Variants in MYH9 observed in about 807,000 individuals in gnomAD.
MYH9 encodes myosin heavy chain 9.
Under a neutral mutation model 241.9 loss-of-function variants are expected in MYH9, and 29 were observed. The ratio of observed to expected loss-of-function variants is 0.12; its 90% CI spans 0.09 to 0.16. The LOEUF is 0.16. MYH9 is among the 10% of genes least tolerant of loss of function. MYH9 has a pLI of 1.00. For missense variants in MYH9, 1,803 were observed against 2,595.5 expected (o/e 0.69, Z 6.63); for synonymous variants, 1,047 against 1,062.6 (o/e 0.99, Z 0.29).
intron 1 of MYH9, among the ~76,000 whole-genome samples, chr22:36,372,870 G>T (rs775181671): frequency 6.6e-6 from 1 of 152,176 alleles, no homozygotes; most frequent in Non-Finnish European, 1.5e-5. Context: ...GGACTTGAGT[G>T]GGGAGCCGGG....
At position 36,330,839 on chromosome 22, in the gene MYH9, C is replaced by A. The variant is rs1159069157; in HGVS notation, c.491-3351G>T. 1.3e-5 allele frequency among the ~76,000 whole-genome samples: 2 copies of A among 152,104 alleles called. No individual in the cohort carries two copies. The highest frequency in any genetic ancestry group is 2.9e-5 in the Non-Finnish European group (2 of 68,032). ...GGAGGAGGCCGCCAGGGACAAGCCTCTTCTGGGACACGAGCCCCCTGCCAG... is the reference window on the plus strand; with the variant it reads ...GGAGGAGGCCGCCAGGGACAAGCCTATTCTGGGACACGAGCCCCCTGCCAG... On this transcript the variant is annotated intron_variant, in intron 3 of 40. Coordinates refer to ENST00000216181, the MANE Select transcript of MYH9 (RefSeq NM_002473.6). The surrounding 1 kb of genome is among the most constrained non-coding windows in gnomAD (Gnocchi z 4.5).
Position 36,383,665 on chromosome 22 carries a change from A to AGGG in MYH9, c.-20+4139_-20+4141dup, listed in dbSNP as rs35424710. Among the ~76,000 whole-genome samples, 1,142 of 142,348 alleles carry AGGG rather than the reference A, an allele frequency of 8.0e-3. 41 individuals are homozygous for AGGG. Among genetic ancestry groups the AGGG allele is most frequent in the Admixed American group, 0.061 (858 of 14,130 alleles). The allele number at this position is 142,348 out of a possible 152,430, so 93.4% of individuals were successfully genotyped here. A position where few individuals can be genotyped will look rare whatever the true frequency, so the allele number is the denominator to read the frequency against. Reference sequence around the variant, plus strand: ...GACTGATCATTTATATTAAAAAAAAAGGGGGGGGGGTGCCAGGTGCGGTGG... The same window carrying AGGG: ...GACTGATCATTTATATTAAAAAAAAAGGGGGGGGGGGGGTGCCAGGTGCGGTGG... On this transcript the variant is annotated intron_variant, in intron 1 of 40. Transcript: ENST00000216181.
At chr22:36,345,871 G>A (rs1169049630) in intron 2 of MYH9, among the ~76,000 whole-genome samples, 3 of 152,338 alleles carry the variant, frequency 2.0e-5, no homozygotes, top group East Asian at 1.9e-4. Context: ...GGCTGGGGCC[G>A]GGCGTGGTGG....
chr22:36,325,592 G>C (rs2017322948), intron 5 of MYH9, among the ~76,000 whole-genome samples: 1 of 152,374 alleles, frequency 6.6e-6, no homozygotes, highest in South Asian at 2.1e-4. Context: ...CACTGCTTCT[G>C]ACTGGCACGG....
chr22:36,310,624 G>C (rs2017045937), intron 14 of MYH9, among the ~76,000 whole-genome samples: 1 of 152,362 alleles, frequency 6.6e-6, no homozygotes, highest in South Asian at 2.1e-4. Flanking sequence ...TGTTTATCAT[G>C]AGGTAGGTGA....
intron 3 of MYH9, among the ~76,000 whole-genome samples, chr22:36,331,521 G>A (rs568706452): frequency 1.3e-5 from 2 of 152,326 alleles, no homozygotes; most frequent in South Asian, 4.1e-4. Context: ...AGGGGAACCT[G>A]ACCGCAGGTA....
intron 20 of MYH9, among the ~76,000 whole-genome samples, chr22:36,302,048 GT>G (rs1195990154): frequency 6.6e-6 from 1 of 152,134 alleles, no homozygotes; most frequent in Non-Finnish European, 1.5e-5. Context: ...AACTACAACT[GT>G]TTATATGAGT....
intron 1 of MYH9, among the ~76,000 whole-genome samples, chr22:36,362,658 T>C (rs2017952567): frequency 6.6e-6 from 1 of 152,154 alleles, no homozygotes. Context: ...TGTATTTTAG[T>C]AGAGATGGGG....
intron 2 of MYH9, among the ~76,000 whole-genome samples, chr22:36,345,569 GC>G (rs2017664379): frequency 6.6e-6 from 1 of 152,166 alleles, no homozygotes; most frequent in Admixed American, 6.5e-5. Flanking sequence ...TGAGGCTGCA[GC>G]TCCCATGTCA....
chr22:36,320,999 T>A lies in MYH9; in HGVS notation c.770-103A>T. ...ACAGAGTCTCGCTCTGTCACCCAGG[T>A]TGGAGTGCAGTGGCATGATCTCGGC... is the stretch of plus-strand genomic sequence containing the variant. On this transcript the variant is annotated intron_variant, in intron 7 of 40. Transcript: ENST00000216181. This position sits in a 1 kb window ranked among gnomAD's most constrained non-coding sequence, Gnocchi z 4.8. The A allele has an allele frequency of 1.1e-6, 1 of 916,328 alleles. No homozygotes were observed. Among genetic ancestry groups the A allele is most frequent in the South Asian group, 1.4e-5 (1 of 71,678 alleles). The allele number at this position is 916,328 out of a possible 1,614,324, so 56.8% of individuals were successfully genotyped here.
intron 1 of MYH9, among the ~76,000 whole-genome samples, chr22:36,352,941 G>A (rs1021844065): frequency 1.3e-5 from 2 of 152,152 alleles, no homozygotes; most frequent in Admixed American, 6.5e-5. Flanking sequence ...ATCAATACAC[G>A]GGTTAGACCG....
chr22:36,287,886 G>C (rs945256273), intron 34 of MYH9, among the ~76,000 whole-genome samples: 12 of 152,344 alleles, frequency 7.9e-5, no homozygotes, highest in African/African-American at 2.9e-4. Flanking sequence ...ACTCCGGGCT[G>C]CTTCTTGGAA....
intron 5 of MYH9, among the ~76,000 whole-genome samples, chr22:36,323,893 G>C (rs1301497688): frequency 2.0e-5 from 3 of 152,254 alleles, no homozygotes; most frequent in African/African-American, 7.2e-5. Flanking sequence ...CAGGCTCTAC[G>C]TGTGCGCTGG....
Position 36,285,434 on chromosome 22 carries a change from G to T in MYH9, c.5275-105C>A. On this transcript the variant is annotated intron_variant, in intron 37 of 40. Transcript: ENST00000216181. This position sits in a 1 kb window ranked among gnomAD's most constrained non-coding sequence, Gnocchi z 7.0. ...AGCAGGATCCCACCAAACCCTTGGG[G>T]TCCAGAGTCTTGGGTCTCCCAGAAA... 7.2e-7 allele frequency: 1 copy of T among 1,386,764 alleles called. No homozygotes were observed. Among genetic ancestry groups the T allele is most frequent in the Non-Finnish European group, 1.0e-6 (1 of 989,210 alleles). 85.9% of individuals were successfully genotyped at this position (1,386,764 alleles called of 1,614,324 possible).
chr22:36,292,595 T>C (rs2016724702), intron 30 of MYH9, among the ~76,000 whole-genome samples: 1 of 152,138 alleles, frequency 6.6e-6, no homozygotes, highest in Non-Finnish European at 1.5e-5. Context: ...GCCCCATCCT[T>C]GCACTTGGAG....
chr22:36,313,090 C>CA (rs66519203), intron 13 of MYH9, among the ~76,000 whole-genome samples: 77,103 of 141,962 alleles, frequency 0.54, 22,767 homozygotes, highest in Non-Finnish European at 0.68. Flanking sequence ...AAATCTGTCT[C>CA]AAAAAAAAAA....
At chr22:36,369,281 T>C (rs551705625) in intron 1 of MYH9, among the ~76,000 whole-genome samples, 43 of 152,294 alleles carry the variant, frequency 2.8e-4, no homozygotes, top group African/African-American at 1.0e-3. Flanking sequence ...GGGGAAGACG[T>C]TGAGGTGCTG....
At position 36,299,076 on chromosome 22, in the gene MYH9, TG is replaced by T. The variant is rs758541498; in HGVS notation, c.2977-35del. ...AGGGGAGTAGGCTGGCATTTAGTGT[TG>T]GTTGAGCACAGAACACTTGCTAGCC... On this transcript the variant is annotated intron_variant, in intron 23 of 40. Coordinates refer to ENST00000216181, the MANE Select transcript of MYH9 (RefSeq NM_002473.6). 4.8e-5 allele frequency: 77 copies of T among 1,613,546 alleles called. 1 individual carries two copies. In the African/African-American group the frequency reaches 8.0e-4, roughly 17 times the overall value.
In MYH9 at chr22:36,282,509, A is replaced by G. The variant is rs1395285163; in HGVS notation, c.*159T>C. 17 of 787,250 alleles carry G rather than the reference A, an allele frequency of 2.2e-5. No individual in the cohort carries two copies. The East Asian group carries it at 3.9e-4, about 18-fold the overall frequency. The allele number at this position is 787,250 out of a possible 1,614,324, so 48.8% of individuals were successfully genotyped here. A position where few individuals can be genotyped will look rare whatever the true frequency, so the allele number is the denominator to read the frequency against. On this transcript the variant is annotated 3_prime_UTR_variant, in exon 41 of 41. Transcript: ENST00000216181. ...CAGAGGAAGCCAAATGCCCTCAACA[A>G]CACCTGGAGGGAAACGGGATGGGGG...
Sources: gnomAD v4.1 joint callset for allele counts (sites outside exome capture counted in the v4.1 genomes callset) on GRCh38, gnomAD v4.1.1 for gene constraint, Gnocchi (gnomAD v3.1) non-coding constraint, MANE v1.5 for transcripts, NCBI Gene and HGNC (gene_info 2026-07-23, HGNC 2026-07-21) for gene names.